ERBB4: variants seen among roughly 807,000 people sequenced by gnomAD.
ERBB4 encodes receptor tyrosine-protein kinase erbB-4.
In ERBB4, 42 loss-of-function variants were observed where a neutral mutation model predicts 158.0. The ratio of observed to expected loss-of-function variants is 0.27; its 90% CI spans 0.21 to 0.34. The LOEUF is 0.34. Among genes scored for constraint, ERBB4 ranks in the 10% least tolerant of loss-of-function variants. The pLI is 1.00. For synonymous variants in ERBB4, 583 were observed against 558.7 expected, an observed-to-expected ratio of 1.04 and a Z score of -0.61; for missense variants, 1,333 against 1,624.1, an observed-to-expected ratio of 0.82 and a Z score of 3.08.
At chr2:211,806,088 C>T (rs911279066) in intron 3 of ERBB4, among the ~76,000 whole-genome samples, 12 of 151,756 alleles carry the variant, frequency 7.9e-5, no homozygotes, top group Admixed American at 2.6e-4. Flanking sequence ...TAAGTTTAAT[C>T]GAGCCAAATA....
intron 1 of ERBB4, among the ~76,000 whole-genome samples, chr2:212,232,950 ATACT>A (rs2083720275): frequency 6.6e-6 from 1 of 152,216 alleles, no homozygotes. Flanking sequence ...TTAAAAAGAA[ATACT>A]TACTGTAAAT....
chr2:211,996,796 A>G (rs2082210594), intron 2 of ERBB4, among the ~76,000 whole-genome samples: 1 of 152,204 alleles, frequency 6.6e-6, no homozygotes, highest in African/African-American at 2.4e-5. Flanking sequence ...AATGAGTAAG[A>G]GAAACATCTC....
intron 4 of ERBB4, among the ~76,000 whole-genome samples, chr2:211,767,838 AC>A (rs1332661300): frequency 6.6e-6 from 1 of 152,092 alleles, no homozygotes; most frequent in Non-Finnish European, 1.5e-5. Flanking sequence ...ACACAGCCAA[AC>A]CATATCATTC....
At chr2:211,925,481 A>C (rs1478201806) in intron 3 of ERBB4, among the ~76,000 whole-genome samples, 2 of 145,278 alleles carry the variant, frequency 1.4e-5, no homozygotes. Context: ...TTCCGGGTTC[A>C]AGCAATTCTC....
chr2:211,716,402 C>T (rs925617535), intron 7 of ERBB4, among the ~76,000 whole-genome samples: 8 of 134,390 alleles, frequency 6.0e-5, no homozygotes, highest in African/African-American at 1.5e-4. Flanking sequence ...AAAGGCCGGG[C>T]GCAGTGGCTC....
At chr2:211,994,507 T>C (rs903681903) in intron 2 of ERBB4, among the ~76,000 whole-genome samples, 2 of 152,220 alleles carry the variant, frequency 1.3e-5, no homozygotes, top group Non-Finnish European at 2.9e-5. Context: ...TAAATATTTA[T>C]CTAGATTTTT....
intron 19 of ERBB4, among the ~76,000 whole-genome samples, chr2:211,567,213 A>AT (rs2067574602): frequency 6.6e-6 from 1 of 152,146 alleles, no homozygotes; most frequent in Non-Finnish European, 1.5e-5. Context: ...AACACTCAGG[A>AT]TTTTTATTCT....
chr2:211,810,517 G>C (rs1037263684), intron 3 of ERBB4, among the ~76,000 whole-genome samples: 3 of 152,002 alleles, frequency 2.0e-5, no homozygotes, highest in Non-Finnish European at 4.4e-5. Context: ...TGCAACCCCG[G>C]CCGTTTTTTT....
intron 2 of ERBB4, among the ~76,000 whole-genome samples, chr2:212,038,297 C>T (rs188311715): frequency 1.4e-4 from 22 of 151,930 alleles, no homozygotes; most frequent in Non-Finnish European, 4.4e-5. Context: ...ATAAAAATAT[C>T]ATTGAATAGT....
chr2:212,529,757 A>T, intron 1 of ERBB4, among the ~76,000 whole-genome samples: 1 of 152,202 alleles, frequency 6.6e-6, no homozygotes, highest in Admixed American at 6.5e-5. Context: ...ATGCCAGATA[A>T]GTGATATTGA....
At chr2:211,553,072 G>A (rs913759555) in intron 20 of ERBB4, among the ~76,000 whole-genome samples, 2 of 151,730 alleles carry the variant, frequency 1.3e-5, no homozygotes, top group Non-Finnish European at 2.9e-5. Flanking sequence ...ATGTTCAAGC[G>A]ATTCTCCTAC....
In ERBB4 at chr2:211,433,678, A is replaced by G. The variant is rs373702678; in HGVS notation, c.2488-2578T>C. 2.1e-4 allele frequency among the ~76,000 whole-genome samples: 32 copies of G among 152,362 alleles called. 3 individuals are homozygous for G. In the East Asian group the frequency reaches 4.1e-3, roughly 19 times the overall value. On this transcript the variant is annotated intron_variant, in intron 20 of 27. Transcript: ENST00000342788. The stretch of plus-strand genomic sequence containing the variant: ...AGTACAGAGAATGGATTGGACATCA[A>G]TGTAGCTGAAGGCAGGAGCCACTGC...
chr2:211,566,795 T>C (rs1049093471), intron 19 of ERBB4, among the ~76,000 whole-genome samples: 1 of 152,148 alleles, frequency 6.6e-6, no homozygotes, highest in Non-Finnish European at 1.5e-5. Context: ...AAATATTAGA[T>C]ATCAGATTAA....
chr2:211,599,636 C>T (rs1162969859), intron 19 of ERBB4, among the ~76,000 whole-genome samples: 1 of 151,332 alleles, frequency 6.6e-6, no homozygotes, highest in African/African-American at 2.4e-5. Context: ...AATCTTTATA[C>T]CTCTATAGTC....
chr2:211,890,625 G>C (rs1470576213), intron 3 of ERBB4, among the ~76,000 whole-genome samples: 3 of 139,274 alleles, frequency 2.2e-5, no homozygotes, highest in Non-Finnish European at 4.6e-5. Flanking sequence ...TGGATAAAGA[G>C]TCAAGACCCA....
intron 5 of ERBB4, among the ~76,000 whole-genome samples, chr2:211,745,087 G>A (rs1010439943): frequency 8.5e-5 from 13 of 152,114 alleles, no homozygotes; most frequent in African/African-American, 3.1e-4. Flanking sequence ...TTAAGTCAGG[G>A]TCAGATATAA....
intron 1 of ERBB4, among the ~76,000 whole-genome samples, chr2:212,189,082 T>TGG (rs770488299): frequency 3.0e-4 from 31 of 103,556 alleles, no homozygotes; most frequent in African/African-American, 1.2e-3. Flanking sequence ...ACTTTTTTTT[T>TGG]GGGGGGGGGG....
At chr2:211,387,823 C>A (rs2062718085) in intron 26 of ERBB4, 122 bp downstream of exon 26, 2 of 800,790 alleles carry the variant, frequency 2.5e-6, no homozygotes, top group Non-Finnish European at 4.5e-6. Flanking sequence ...ACGATGTACA[C>A]CAAATTCTTA....
At chr2:211,461,712 A>T (rs2064536318) in intron 20 of ERBB4, among the ~76,000 whole-genome samples, 2 of 152,142 alleles carry the variant, frequency 1.3e-5, no homozygotes. Flanking sequence ...GTAGGCCGGC[A>T]TGCTGAACCA....
Sources: gnomAD v4.1 joint callset for allele counts (sites outside exome capture counted in the v4.1 genomes callset) on GRCh38, gnomAD v4.1.1 for gene constraint, MANE v1.5 for transcripts, NCBI Gene and HGNC (gene_info 2026-07-23, HGNC 2026-07-21) for gene names.